The following MRPS6 variants were observed in gnomAD, a reference collection of about 807,000 sequenced individuals.
MRPS6 encodes the protein mitochondrial ribosomal protein S6, also known as small ribosomal subunit protein bS6m.
A neutral mutation model predicts 13.1 loss-of-function variants in MRPS6; 6 were observed. The observed-to-expected ratio is 0.46, with a 90% CI of 0.25 to 0.91. The LOEUF (loss-of-function observed/expected upper bound fraction) is 0.91, where lower values mean the gene tolerates loss of function less well. MRPS6 is among the 40% of genes least tolerant of loss of function. MRPS6 has a pLI of 0.18. For missense variants in MRPS6, 164 were observed against 155.6 expected (o/e 1.05, Z -0.29); for synonymous variants, 61 against 56.5 (o/e 1.08, Z -0.36).
chr21:34,095,441 A>G lies in MRPS6; in HGVS notation c.45+21696A>G, dbSNP rs775740185. The stretch of plus-strand genomic sequence containing the variant: ...CTGCAAGTGGATTTGCAGTGGGCGC[A>G]TGGGAATTCAATGCCTTACTGCTTT... On this transcript the variant is annotated intron_variant, in intron 1 of 2. Coordinates refer to ENST00000399312, the MANE Select transcript of MRPS6 (RefSeq NM_032476.4). 3.7e-6 allele frequency: 6 copies of G among 1,614,110 alleles called. No homozygotes were observed. The Admixed American group carries it at 1.0e-4, about 27-fold the overall frequency.
At chr21:34,142,317 G>C (rs529137711) in intron 2 of MRPS6, 91 bp from the exon 3 acceptor site, 103 of 1,405,774 alleles carry the variant, frequency 7.3e-5, no homozygotes, top group South Asian at 5.5e-4. Flanking sequence ...GTTGATGTCT[G>C]TCTAGGAAGA....
In MRPS6 at chr21:34,130,721, G is replaced by T. The variant is rs58241948; in HGVS notation, c.185+5241G>T. 4.5e-3 allele frequency among the ~76,000 whole-genome samples: 689 copies of T among 152,326 alleles called. 5 individuals are homozygous for T. Among genetic ancestry groups the T allele is most frequent in the African/African-American group, 0.015 (641 of 41,568 alleles). On this transcript the variant is annotated intron_variant, in intron 2 of 2. Coordinates refer to ENST00000399312, the MANE Select transcript of MRPS6 (RefSeq NM_032476.4). ...CAGCTTTCAAACACTGTTATCTGCA[G>T]TGAGAAATGCATTAGTGTCCTGAAC...
chr21:34,096,911 C>T lies in MRPS6; in HGVS notation c.45+23166C>T. 1 of 1,614,098 alleles carries T rather than the reference C, an allele frequency of 6.2e-7. No homozygotes were observed. The highest frequency in any genetic ancestry group is 1.1e-5 in the South Asian group (1 of 91,080). On this transcript the variant is annotated intron_variant, in intron 1 of 2. Transcript: ENST00000399312. This position sits in a 1 kb window ranked among gnomAD's most constrained non-coding sequence, Gnocchi z 5.9. Reference sequence around the variant, plus strand: ...AACCATACAAAATGCAAGAAAAGAGCATTCTGAGATGCAGTGAGAATAATG... The same window carrying T: ...AACCATACAAAATGCAAGAAAAGAGTATTCTGAGATGCAGTGAGAATAATG...
intron 1 of MRPS6, chr21:34,100,122 G>GA: frequency 3.0e-6 from 3 of 998,826 alleles, no homozygotes; most frequent in Non-Finnish European, 3.6e-6. Flanking sequence ...ATTGAAGCTT[G>GA]ATATTGACTA....
chr21:34,124,604 G>A (rs562335576), intron 1 of MRPS6: 1 of 151,330 alleles, frequency 6.6e-6, no homozygotes, highest in South Asian at 2.1e-4. Context: ...CCCCATCACT[G>A]GGGCTCAGTT....
At chr21:34,136,067 G>T in intron 2 of MRPS6, 1 of 243,014 alleles carries the variant, frequency 4.1e-6, no homozygotes. Flanking sequence ...CTCCCACTCG[G>T]TCATCCAGAG....
chr21:34,109,264 T>C (rs2148664198), intron 1 of MRPS6, among the ~76,000 whole-genome samples: 1 of 152,348 alleles, frequency 6.6e-6, no homozygotes, highest in East Asian at 1.9e-4. Context: ...TTAAAGGCTT[T>C]TCTCCGATAT....
At chr21:34,137,078 TATA>T (rs1355744144) in intron 2 of MRPS6, among the ~76,000 whole-genome samples, 1 of 152,208 alleles carries the variant, frequency 6.6e-6, no homozygotes. Flanking sequence ...GCCATAGCTT[TATA>T]ATAAGTCTTG....
chr21:34,095,514 G>T, intron 1 of MRPS6: 2 of 1,613,958 alleles, frequency 1.2e-6, no homozygotes, highest in Non-Finnish European at 1.7e-6. Context: ...CCGGTCAGGG[G>T]TATATACCAT....
chr21:34,085,950 A>G (rs987157769), intron 1 of MRPS6, among the ~76,000 whole-genome samples: 4 of 152,194 alleles, frequency 2.6e-5, no homozygotes, highest in Non-Finnish European at 4.4e-5. Context: ...CCTAACTACA[A>G]TTCCTTAACA....
intron 1 of MRPS6, chr21:34,102,827 A>G: frequency 1.0e-6 from 1 of 1,000,088 alleles, no homozygotes; most frequent in Non-Finnish European, 1.2e-6. Flanking sequence ...TTTTCCCCTC[A>G]CTTCTAGGTT....
At position 34,117,432 on chromosome 21, in the gene MRPS6, C is replaced by G. The variant is rs375414795; in HGVS notation, c.46-7909C>G. On this transcript the variant is annotated intron_variant, in intron 1 of 2. Coordinates refer to ENST00000399312, the MANE Select transcript of MRPS6 (RefSeq NM_032476.4). ...TAGTAGTAATTCCTTCTTTTGAGTT[C>G]TTGTGGCATCATTGCTTTTCACATC... is the stretch of plus-strand genomic sequence containing the variant. Among the ~76,000 whole-genome samples, 6 of 152,230 alleles carry G rather than the reference C, an allele frequency of 3.9e-5. No individual in the cohort carries two copies. In the East Asian group the frequency reaches 1.2e-3, roughly 29 times the overall value.
intron 1 of MRPS6, among the ~76,000 whole-genome samples, chr21:34,074,877 T>G (rs147383753): frequency 6.3e-4 from 96 of 152,226 alleles, no homozygotes; most frequent in South Asian, 3.1e-3. Context: ...GTCGGGAGAT[T>G]GTTAGGAAGT....
At chr21:34,102,564 G>A in intron 1 of MRPS6, 1 of 999,940 alleles carries the variant, frequency 1.0e-6, no homozygotes, top group Non-Finnish European at 1.2e-6. Flanking sequence ...TACTTTTTGG[G>A]CAGTACCATA....
chr21:34,109,785 G>T (rs1183918806), intron 1 of MRPS6, among the ~76,000 whole-genome samples: 7 of 150,616 alleles, frequency 4.6e-5, no homozygotes, highest in Non-Finnish European at 1.0e-4. Context: ...GTTTCTTCTC[G>T]TATTCTTGTA....
At chr21:34,078,545 G>A (rs151260121) in intron 1 of MRPS6, among the ~76,000 whole-genome samples, 6 of 152,060 alleles carry the variant, frequency 3.9e-5, no homozygotes, top group African/African-American at 1.4e-4. Flanking sequence ...AAAAATCTAG[G>A]TTATATCTAG....
chr21:34,095,343 G>C (rs893118113), intron 1 of MRPS6: 3 of 1,614,014 alleles, frequency 1.9e-6, no homozygotes, highest in African/African-American at 2.7e-5. Context: ...TATGACCTGG[G>C]TAGCAATTGG....
chr21:34,134,744 A>G (rs760370168), intron 2 of MRPS6, among the ~76,000 whole-genome samples: 1 of 152,094 alleles, frequency 6.6e-6, no homozygotes, highest in African/African-American at 2.4e-5. Flanking sequence ...GTGATTGCAG[A>G]TGCAGTAGAA....
At chr21:34,090,365 C>T (rs546112754) in intron 1 of MRPS6, among the ~76,000 whole-genome samples, 131 of 152,292 alleles carry the variant, frequency 8.6e-4, no homozygotes, top group African/African-American at 2.9e-3. Flanking sequence ...TTTCCTAGAA[C>T]TTGAGTCAAG....
Sources: allele counts gnomAD v4.1 joint callset (sites outside exome capture counted in the v4.1 genomes callset), GRCh38; gene constraint gnomAD v4.1.1; non-coding constraint Gnocchi (gnomAD v3.1); transcripts MANE v1.5; gene names NCBI Gene and HGNC (gene_info 2026-07-23, HGNC 2026-07-21).